Variants in DAB1 observed in about 807,000 individuals in gnomAD.
DAB1 encodes the protein DAB adaptor protein 1, also known as disabled homolog 1.
In DAB1, 15 loss-of-function variants were observed where a neutral mutation model predicts 64.6. The observed-to-expected ratio is 0.23, with a 90% CI of 0.16 to 0.36. The LOEUF (loss-of-function observed/expected upper bound fraction) is 0.36. Ranked by LOEUF, DAB1 falls within the 10% of genes least tolerant of loss-of-function variation. DAB1 has a pLI of 1.00. For missense variants in DAB1, 596 were observed against 706.7 expected (o/e 0.84, Z 1.78); for synonymous variants, 235 against 251.9 (o/e 0.93, Z 0.64).
chr1:57,171,492 T>C (rs1661756957), intron 2 of DAB1, among the ~76,000 whole-genome samples: 1 of 144,012 alleles, frequency 6.9e-6, no homozygotes, highest in African/African-American at 2.4e-5. Flanking sequence ...CCCAACTATC[T>C]GGGACACTTT....
At chr1:57,703,585 G>A (rs1646932463) in intron 6 of DAB1, among the ~76,000 whole-genome samples, 1 of 152,178 alleles carries the variant, frequency 6.6e-6, no homozygotes, top group Admixed American at 6.6e-5. Context: ...TACACTGTTG[G>A]TGGGAGTGTA....
chr1:57,336,707 T>C (rs1677107467), intron 1 of DAB1, among the ~76,000 whole-genome samples: 1 of 152,226 alleles, frequency 6.6e-6, no homozygotes, highest in Admixed American at 6.5e-5. Context: ...CATAACATTA[T>C]TCTGCCCCTT....
intron 1 of DAB1, among the ~76,000 whole-genome samples, chr1:57,294,299 G>A (rs1673017968): frequency 6.6e-6 from 1 of 152,178 alleles, no homozygotes; most frequent in Admixed American, 6.5e-5. Context: ...TTCCTGAAGT[G>A]TGTCAGGTTT....
intron 1 of DAB1, among the ~76,000 whole-genome samples, chr1:58,542,688 G>C (rs1183977270): frequency 6.6e-6 from 1 of 152,134 alleles, no homozygotes; most frequent in Non-Finnish European, 1.5e-5. Flanking sequence ...TTCTTTCCTT[G>C]ACCTCAAATC....
intron 7 of DAB1, among the ~76,000 whole-genome samples, chr1:57,589,008 G>A (rs1395492785): frequency 3.3e-5 from 5 of 152,100 alleles, no homozygotes; most frequent in Admixed American, 3.3e-4. Flanking sequence ...GGCCGAGGCA[G>A]GTGGATCACC....
At chr1:58,281,300 A>G (rs1001660666) in intron 4 of DAB1, among the ~76,000 whole-genome samples, 1 of 152,016 alleles carries the variant, frequency 6.6e-6, no homozygotes, top group African/African-American at 2.4e-5. Flanking sequence ...AGGAATTTGA[A>G]TTGAGGGCTG....
intron 6 of DAB1, among the ~76,000 whole-genome samples, chr1:57,816,230 G>A (rs1362731349): frequency 6.6e-6 from 1 of 152,076 alleles, no homozygotes; most frequent in Admixed American, 6.5e-5. Flanking sequence ...CACTGATTTC[G>A]GCTCTACCTT....
chr1:57,128,978 C>G (rs1200713058), intron 4 of DAB1, among the ~76,000 whole-genome samples: 1 of 152,174 alleles, frequency 6.6e-6, no homozygotes, highest in African/African-American at 2.4e-5. Context: ...GTGTAAGTTG[C>G]TTAACCCCTT....
At chr1:57,555,405 T>C (rs1358005419) in intron 7 of DAB1, among the ~76,000 whole-genome samples, 2 of 151,160 alleles carry the variant, frequency 1.3e-5, no homozygotes, top group East Asian at 3.9e-4. Flanking sequence ...TTTTTTTTTT[T>C]TTTCTTTCAA....
intron 3 of DAB1, among the ~76,000 whole-genome samples, chr1:57,140,881 G>T (rs1658528671): frequency 6.6e-6 from 1 of 152,176 alleles, no homozygotes; most frequent in Admixed American, 6.5e-5. Flanking sequence ...TGCCAAGCAA[G>T]AGTCACAGGC....
At chr1:58,417,905 G>T (rs2100215594) in intron 3 of DAB1, among the ~76,000 whole-genome samples, 1 of 152,284 alleles carries the variant, frequency 6.6e-6, no homozygotes, top group Admixed American at 6.5e-5. Flanking sequence ...GAGTGAAAGT[G>T]CTGGGTTCTC....
At chr1:58,530,524 G>C in intron 1 of DAB1, 1 of 744,518 alleles carries the variant, frequency 1.3e-6, no homozygotes. Context: ...AACATCTCTG[G>C]ATTTGCTGCT....
At chr1:57,647,052 C>A (rs1315350498) in intron 7 of DAB1, among the ~76,000 whole-genome samples, 1 of 152,124 alleles carries the variant, frequency 6.6e-6, no homozygotes, top group Non-Finnish European at 1.5e-5. Flanking sequence ...CTCTTTTTGA[C>A]ATTTACATTA....
chr1:58,242,344 T>C (rs1340908271), intron 4 of DAB1, among the ~76,000 whole-genome samples: 2 of 152,122 alleles, frequency 1.3e-5, no homozygotes, highest in African/African-American at 4.8e-5. Flanking sequence ...AGAAGGCATC[T>C]GGATTGTTAG....
At chr1:58,109,506 G>C (rs545331178) in intron 5 of DAB1, among the ~76,000 whole-genome samples, 2 of 152,210 alleles carry the variant, frequency 1.3e-5, no homozygotes, top group African/African-American at 4.8e-5. Flanking sequence ...GAGAACTAAT[G>C]GATCAACTCC....
At chr1:57,132,985 C>T (rs1265799716) in intron 4 of DAB1, among the ~76,000 whole-genome samples, 2 of 152,124 alleles carry the variant, frequency 1.3e-5, no homozygotes, top group Non-Finnish European at 2.9e-5. Context: ...CTGGACCAAG[C>T]TACCAAGCTC....
chr1:58,299,572 T>C (rs947789669), intron 4 of DAB1, among the ~76,000 whole-genome samples: 3 of 152,180 alleles, frequency 2.0e-5, no homozygotes, highest in Non-Finnish European at 4.4e-5. Flanking sequence ...GGGTGATTCC[T>C]CAAAAACGCC....
At chr1:57,428,637 T>A (rs964196111), upstream of DAB1, among the ~76,000 whole-genome samples, 1 of 152,150 alleles carries the variant, frequency 6.6e-6, no homozygotes, top group African/African-American at 2.4e-5. Context: ...AGTGCAGATA[T>A]CTCCTTGAGA....
chr1:58,290,777 C>G (rs768370719), intron 4 of DAB1, among the ~76,000 whole-genome samples: 1 of 152,150 alleles, frequency 6.6e-6, no homozygotes, highest in Non-Finnish European at 1.5e-5. Context: ...AGGATGCTTT[C>G]TCAAGCCACT....
Sources: gnomAD v4.1 joint callset for allele counts (sites outside exome capture counted in the v4.1 genomes callset) on GRCh38, gnomAD v4.1.1 for gene constraint, MANE v1.5 for transcripts, NCBI Gene and HGNC (gene_info 2026-07-23, HGNC 2026-07-21) for gene names.